AP3B1: variants seen among roughly 807,000 people sequenced by gnomAD.
The protein encoded by AP3B1 is AP-3 complex subunit beta-1.
AP3B1 carries 61 observed loss-of-function variants against 132.5 expected under a neutral mutation model. The ratio of observed to expected loss-of-function variants is 0.46; its 90% CI spans 0.37 to 0.57. The LOEUF (loss-of-function observed/expected upper bound fraction) is 0.57. AP3B1 is among the 20% of genes least tolerant of loss of function. The pLI is 0.00. For missense variants in AP3B1, 1,120 were observed against 1,289.4 expected (o/e 0.87, Z 2.01); for synonymous variants, 388 against 438.3 (o/e 0.89, Z 1.43).
intron 14 of AP3B1, among the ~76,000 whole-genome samples, chr5:78,148,025 T>G (rs1238219766): frequency 7.0e-6 from 1 of 143,098 alleles, no homozygotes; most frequent in Non-Finnish European, 1.5e-5. Flanking sequence ...AGAGCAAGAC[T>G]CCATTAAAAA....
At chr5:78,004,371 G>C (rs763522067) in intron 26 of AP3B1, among the ~76,000 whole-genome samples, 1 of 152,150 alleles carries the variant, frequency 6.6e-6, no homozygotes, top group Non-Finnish European at 1.5e-5. Flanking sequence ...CAACATAAAA[G>C]AGGGAGTTTA....
rs374495028 is a variant in AP3B1 at position 78,065,577 on chromosome 5, A to G, written c.2577+23816T>C. On this transcript the variant is annotated intron_variant, in intron 22 of 26. Coordinates refer to ENST00000255194, the MANE Select transcript of AP3B1 (RefSeq NM_003664.5). ...GCCAGACTGCTTCTTTAGAGTGAAC[A>G]TGGACCCATTCCTCCTCACTGAGCT... is the stretch of plus-strand genomic sequence containing the variant. 2.6e-5 allele frequency among the ~76,000 whole-genome samples: 4 copies of G among 152,086 alleles called. No homozygotes were observed. In the East Asian group the frequency reaches 7.7e-4, roughly 29 times the overall value.
intron 18 of AP3B1, among the ~76,000 whole-genome samples, chr5:78,115,065 T>A (rs1751766306): frequency 6.6e-6 from 1 of 152,222 alleles, no homozygotes; most frequent in East Asian, 1.9e-4. Flanking sequence ...ATCATTATCA[T>A]CATTTACAAA....
intron 6 of AP3B1, among the ~76,000 whole-genome samples, chr5:78,218,266 C>T (rs1396619104): frequency 6.6e-6 from 1 of 151,998 alleles, no homozygotes; most frequent in African/African-American, 2.4e-5. Flanking sequence ...ATGATCTACT[C>T]AGATTTTAAA....
chr5:78,009,729 A>C (rs1241903644), intron 26 of AP3B1, among the ~76,000 whole-genome samples: 3 of 149,080 alleles, frequency 2.0e-5, no homozygotes, highest in African/African-American at 2.5e-5. Flanking sequence ...GCAAATTTAA[A>C]AAGTGACAGG....
intron 1 of AP3B1, among the ~76,000 whole-genome samples, chr5:78,291,276 T>C (rs570153671): frequency 3.4e-5 from 5 of 148,778 alleles, no homozygotes; most frequent in African/African-American, 1.2e-4. Flanking sequence ...GCAGAGGGAG[T>C]TGCAGCTGAA....
Position 78,223,641 on chromosome 5 carries a change from T to C in AP3B1, c.603+1901A>G, listed in dbSNP as rs183722956. ...TCTTTTTGAGTACTTATTTCTTATT[T>C]GGAATTTTTAATCACATCCCATGTG... On this transcript the variant is annotated intron_variant, in intron 6 of 26. Transcript: ENST00000255194. Among the ~76,000 whole-genome samples, 70 of 152,326 alleles carry C rather than the reference T, an allele frequency of 4.6e-4. No homozygotes were observed. The Middle Eastern group carries it at 0.02, about 44-fold the overall frequency.
At chr5:78,284,998 A>T (rs1749209358) in intron 1 of AP3B1, among the ~76,000 whole-genome samples, 1 of 152,176 alleles carries the variant, frequency 6.6e-6, no homozygotes, top group Non-Finnish European at 1.5e-5. Flanking sequence ...TGTAAATCCC[A>T]GCATTTTGGG....
intron 3 of AP3B1, among the ~76,000 whole-genome samples, chr5:78,228,644 C>T (rs2112496601): frequency 6.6e-6 from 1 of 152,258 alleles, no homozygotes; most frequent in East Asian, 1.9e-4. Context: ...CACTTGAGCC[C>T]AGGAGTTAGA....
chr5:78,082,591 T>C (rs563503037), intron 22 of AP3B1, among the ~76,000 whole-genome samples: 115 of 152,286 alleles, frequency 7.6e-4, no homozygotes, highest in African/African-American at 2.6e-3. Flanking sequence ...AAAGTCACAA[T>C]GATAATAAAC....
At position 78,165,672 on chromosome 5, in the gene AP3B1, G is replaced by A. The variant is rs1743585822; in HGVS notation, c.1168C>T (p.Leu390Phe). 6.3e-7 allele frequency: 1 copy of A among 1,593,170 alleles called. No individual in the cohort carries two copies. Among genetic ancestry groups the A allele is most frequent in the African/African-American group, 1.3e-5 (1 of 74,518 alleles). ...TTTGCCAAGTTTGTCAAAATTTCAA[G>A]CTATAGTAGAGAAAAGAGAAAGTAA... ...TDPTMIKTLK[L>F]EILTNLANEA... The change falls in exon 12 of 27, where the codon CTT (leucine) becomes TTT (phenylalanine). Residue 390 changes from leucine to phenylalanine, a missense_variant and splice_region_variant. Transcript: ENST00000255194.
At chr5:78,214,626 G>A (rs993094619) in intron 7 of AP3B1, among the ~76,000 whole-genome samples, 15 of 152,146 alleles carry the variant, frequency 9.9e-5, no homozygotes, top group African/African-American at 3.6e-4. Flanking sequence ...CTGAGCAGAA[G>A]TTTTGAAAGG....
chr5:78,032,709 A>G (rs996730236), intron 24 of AP3B1, among the ~76,000 whole-genome samples: 4 of 151,956 alleles, frequency 2.6e-5, no homozygotes, highest in African/African-American at 9.7e-5. Flanking sequence ...TTTTTGATCT[A>G]GCATGCTGTT....
At chr5:78,182,385 G>T (rs946562287) in intron 7 of AP3B1, among the ~76,000 whole-genome samples, 1 of 152,280 alleles carries the variant, frequency 6.6e-6, no homozygotes, top group Non-Finnish European at 1.5e-5. Context: ...CAGGAAGATG[G>T]AGTAGATGTA....
chr5:78,275,570 G>C (rs1748737698), intron 1 of AP3B1, among the ~76,000 whole-genome samples: 2 of 152,040 alleles, frequency 1.3e-5, no homozygotes, highest in Admixed American at 1.3e-4. Context: ...CCGCCTCCCG[G>C]GTTCAAGCAA....
intron 15 of AP3B1, among the ~76,000 whole-genome samples, chr5:78,131,013 T>A (rs923635402): frequency 6.6e-6 from 1 of 151,780 alleles, no homozygotes; most frequent in Non-Finnish European, 1.5e-5. Flanking sequence ...AATTTAAAAA[T>A]TTTTATTGAC....
intron 13 of AP3B1, 63 bp downstream of exon 13, chr5:78,162,756 G>C: frequency 6.3e-7 from 1 of 1,577,766 alleles, no homozygotes; most frequent in Non-Finnish European, 8.7e-7. Flanking sequence ...TTACAACTTG[G>C]AAATAATACC....
chr5:78,051,528 G>A (rs542431119), intron 22 of AP3B1, among the ~76,000 whole-genome samples: 24 of 152,142 alleles, frequency 1.6e-4, no homozygotes, highest in Admixed American at 1.3e-3. Flanking sequence ...AATAAAACAT[G>A]GAATAGCAAG....
In AP3B1 at chr5:78,116,197, T is replaced by G. The variant is rs1751820198; in HGVS notation, c.2006A>C (p.Glu669Ala). The stretch of plus-strand genomic sequence containing the variant: ...AGAATAAAACTTCTTAGCAGAATTC[T>G]CTTGCTTTGCTTTTCCTGCTGGGGT... ...EWTPAGKAKQ[E>A]NSAKKFYSES... Residue 669 changes from glutamate to alanine, a missense_variant, in exon 18 of 27, where the codon GAG becomes GCG. Coordinates refer to ENST00000255194, the MANE Select transcript of AP3B1 (RefSeq NM_003664.5). The G allele has an allele frequency of 3.1e-6, 5 of 1,613,890 alleles. No homozygotes were observed. The highest frequency in any genetic ancestry group is 4.2e-6 in the Non-Finnish European group (5 of 1,179,848).
Sources: gnomAD v4.1 joint callset for allele counts (sites outside exome capture counted in the v4.1 genomes callset) on GRCh38, gnomAD v4.1.1 for gene constraint, MANE v1.5 for transcripts, NCBI Gene and HGNC (gene_info 2026-07-23, HGNC 2026-07-21) for gene names.